BMERB1: variants seen among roughly 807,000 people sequenced by gnomAD.
BMERB1 encodes bMERB domain containing 1, also known as bMERB domain-containing protein 1.
BMERB1 carries 12 observed loss-of-function variants against 23.6 expected under a neutral mutation model. That is an observed-to-expected ratio of 0.51 (90% CI 0.33 to 0.82). BMERB1 has a LOEUF of 0.82. BMERB1 is among the 40% of genes least tolerant of loss of function. The pLI, the probability that BMERB1 is intolerant of heterozygous loss-of-function variation, is 0.03. For synonymous variants in BMERB1, 122 were observed against 96.6 expected, an observed-to-expected ratio of 1.26 and a Z score of -1.54; for missense variants, 247 against 255.4, an observed-to-expected ratio of 0.97 and a Z score of 0.22.
intron 2 of BMERB1, among the ~76,000 whole-genome samples, chr16:15,524,614 A>C (rs1442510270): frequency 6.6e-6 from 1 of 152,036 alleles, no homozygotes; most frequent in Non-Finnish European, 1.5e-5. Context: ...CTAAAAATAC[A>C]AAAAAATTAG....
chr16:15,485,600 T>G (rs898421141), intron 1 of BMERB1, among the ~76,000 whole-genome samples: 9 of 152,128 alleles, frequency 5.9e-5, no homozygotes, highest in South Asian at 2.1e-4. Context: ...ATTTCAGTAA[T>G]TGGTTCTGAG....
intron 2 of BMERB1, among the ~76,000 whole-genome samples, chr16:15,517,629 T>A (rs530873853): frequency 6.6e-6 from 1 of 152,032 alleles, no homozygotes; most frequent in South Asian, 2.1e-4. Flanking sequence ...AAAATACAAA[T>A]ACAAATTAAA....
At chr16:15,514,486 C>T (rs1476104535) in intron 1 of BMERB1, among the ~76,000 whole-genome samples, 1 of 152,108 alleles carries the variant, frequency 6.6e-6, no homozygotes, top group East Asian at 1.9e-4. Flanking sequence ...TGAGCCTCCA[C>T]TAGCCATCAT....
intron 1 of BMERB1, among the ~76,000 whole-genome samples, chr16:15,481,771 G>T (rs556260048): frequency 6.6e-6 from 1 of 150,840 alleles, no homozygotes; most frequent in East Asian, 2.0e-4. Context: ...CCTCAGGCTG[G>T]AGTGCAATAA....
At chr16:15,575,255 A>G (rs2030829377) in intron 3 of BMERB1, among the ~76,000 whole-genome samples, 2 of 152,148 alleles carry the variant, frequency 1.3e-5, no homozygotes, top group South Asian at 4.1e-4. Context: ...CAGTGGATCC[A>G]TTTGGTAGGG....
At chr16:15,552,612 A>C (rs908473930) in intron 2 of BMERB1, among the ~76,000 whole-genome samples, 1 of 152,228 alleles carries the variant, frequency 6.6e-6, no homozygotes, top group Non-Finnish European at 1.5e-5. Flanking sequence ...GGCACGGCCC[A>C]GTTCCCTGCC....
At chr16:15,556,270 T>G (rs977859326) in intron 2 of BMERB1, among the ~76,000 whole-genome samples, 1 of 152,068 alleles carries the variant, frequency 6.6e-6, no homozygotes, top group Non-Finnish European at 1.5e-5. Context: ...GTGAGCTGAC[T>G]TTTTACCTAG....
intron 1 of BMERB1, among the ~76,000 whole-genome samples, chr16:15,463,974 T>C (rs2051159444): frequency 6.6e-6 from 1 of 151,792 alleles, no homozygotes; most frequent in Non-Finnish European, 1.5e-5. Flanking sequence ...AAGAAGAAAT[T>C]TGGGGCAACT....
chr16:15,449,682 A>G (rs1176580331), intron 1 of BMERB1, among the ~76,000 whole-genome samples: 1 of 151,844 alleles, frequency 6.6e-6, no homozygotes, highest in Non-Finnish European at 1.5e-5. Flanking sequence ...AGTAGCTGGG[A>G]CTACAGGTGC....
intron 2 of BMERB1, among the ~76,000 whole-genome samples, chr16:15,566,843 A>G (rs1285040604): frequency 1.3e-5 from 2 of 152,150 alleles, no homozygotes; most frequent in African/African-American, 2.4e-5. Context: ...TTTTTGTGCA[A>G]TAACAATGGT....
At chr16:15,533,064 A>G (rs1282178608) in intron 2 of BMERB1, 3 of 455,040 alleles carry the variant, frequency 6.6e-6, no homozygotes, top group South Asian at 1.6e-5. Context: ...TGCATCCAGT[A>G]TCTCGCAGGG....
At chr16:15,543,980 C>T (rs577274344) in intron 2 of BMERB1, among the ~76,000 whole-genome samples, 4 of 152,206 alleles carry the variant, frequency 2.6e-5, no homozygotes, top group South Asian at 4.2e-4. Context: ...GACCTGCCCA[C>T]GGATGATTAA....
intron 1 of BMERB1, among the ~76,000 whole-genome samples, chr16:15,512,038 A>AG (rs398028816): frequency 1.5e-4 from 23 of 148,406 alleles, no homozygotes; most frequent in East Asian, 1.0e-3. Flanking sequence ...AAAAAAAAAA[A>AG]GGGGGAATTG....
rs568589387 is a variant in BMERB1 at position 15,484,972 on chromosome 16, G to A, written c.107-30333G>A. ...GCCATCAGTAGGACTCAGTTTTTCTGCATCTACTTGTGTTGGCTTCACTCT... is the reference window on the plus strand; with the variant it reads ...GCCATCAGTAGGACTCAGTTTTTCTACATCTACTTGTGTTGGCTTCACTCT... On this transcript the variant is annotated intron_variant, in intron 1 of 5. Coordinates refer to ENST00000300006, the MANE Select transcript of BMERB1 (RefSeq NM_033201.3). 8.5e-5 allele frequency among the ~76,000 whole-genome samples: 13 copies of A among 152,292 alleles called. No homozygotes were observed. The East Asian group carries it at 1.9e-3, about 23-fold the overall frequency.
At chr16:15,572,409 G>A (rs745921078) in intron 3 of BMERB1, among the ~76,000 whole-genome samples, 10 of 152,164 alleles carry the variant, frequency 6.6e-5, no homozygotes, top group Non-Finnish European at 1.5e-4. Flanking sequence ...AAGGATAAAC[G>A]AGTGAATAGA....
intron 1 of BMERB1, among the ~76,000 whole-genome samples, chr16:15,446,054 G>T (rs1373742558): frequency 6.6e-6 from 1 of 152,034 alleles, no homozygotes; most frequent in Non-Finnish European, 1.5e-5. Flanking sequence ...TTAAACTATT[G>T]TATACAGACA....
At chr16:15,479,040 ACT>A (rs1178929554) in intron 1 of BMERB1, among the ~76,000 whole-genome samples, 1 of 152,088 alleles carries the variant, frequency 6.6e-6, no homozygotes, top group Non-Finnish European at 1.5e-5. Context: ...ATACTGAGAA[ACT>A]CTGATTTTTC....
intron 2 of BMERB1, among the ~76,000 whole-genome samples, chr16:15,539,841 C>CA (rs377514039): frequency 0.032 from 3,810 of 120,050 alleles, 130 homozygotes; most frequent in African/African-American, 0.093. Flanking sequence ...GATTCCGTCT[C>CA]AAAAAAAAAA....
chr16:15,486,768 A>C (rs1019861514), intron 1 of BMERB1, among the ~76,000 whole-genome samples: 4 of 152,184 alleles, frequency 2.6e-5, no homozygotes, highest in Admixed American at 6.5e-5. Flanking sequence ...AGCATAGTTC[A>C]GTTTCTGGGT....
Sources: allele counts gnomAD v4.1 joint callset (sites outside exome capture counted in the v4.1 genomes callset), GRCh38; gene constraint gnomAD v4.1.1; transcripts MANE v1.5; gene names NCBI Gene and HGNC (gene_info 2026-07-23, HGNC 2026-07-21).